TTYH2: variants seen among roughly 807,000 people sequenced by gnomAD.
TTYH2 encodes the protein protein tweety homolog 2.
A neutral mutation model predicts 68.3 loss-of-function variants in TTYH2; 49 were observed. That is an observed-to-expected ratio of 0.72 (90% CI 0.57 to 0.91). The LOEUF (loss-of-function observed/expected upper bound fraction) is 0.91, where lower values mean the gene tolerates loss of function less well. Ranked by LOEUF, TTYH2 falls within the 40% of genes least tolerant of loss-of-function variation. TTYH2 has a pLI of 0.00. For missense variants in TTYH2, 631 were observed against 700.4 expected (o/e 0.90, Z 1.12); for synonymous variants, 272 against 300.8 (o/e 0.90, Z 0.99).
rs2143705271 is a variant in TTYH2, at chr17:74,214,970, G to T, written c.129+1254G>T. ...GATGGTGCCTGCCCTACCAGAGGGA[G>T]GGGAGCATCAGGACCCCTTCCTGGG... On this transcript the variant is annotated intron_variant, in intron 1 of 13. Coordinates refer to ENST00000269346, the MANE Select transcript of TTYH2 (RefSeq NM_032646.6). This position sits in a 1 kb window ranked among gnomAD's most constrained non-coding sequence, Gnocchi z 4.6. Among the ~76,000 whole-genome samples, 1 of 152,254 alleles carries T rather than the reference G, an allele frequency of 6.6e-6. No individual in the cohort carries two copies. The highest frequency in any genetic ancestry group is 1.9e-4 in the East Asian group (1 of 5,166).
At chr17:74,244,540 C>T (rs1177803626) in intron 6 of TTYH2, among the ~76,000 whole-genome samples, 3 of 152,158 alleles carry the variant, frequency 2.0e-5, no homozygotes, top group Non-Finnish European at 1.5e-5. Flanking sequence ...TCCCAGGACT[C>T]CCGCGGTCTG....
chr17:74,249,947 C>T lies in TTYH2; in HGVS notation c.942C>T (p.Thr314=). 2 of 1,613,998 alleles carry T rather than the reference C, an allele frequency of 1.2e-6. No homozygotes were observed. The highest frequency in any genetic ancestry group is 1.1e-5 in the South Asian group (1 of 91,070). The change falls in exon 9 of 14, where the codon ACC becomes ACT. Residue 314 remains threonine, a synonymous_variant. Transcript: ENST00000269346. ...GSSPFQQTLT[T]FQRALTTMQI... ...CTTTCCTGGCTCAGACCCTGACCAC[C>T]TTCCAGCGCGCACTTACCACCATGC...
rs59096145 is a variant in TTYH2, at chr17:74,241,296, T to TGTGTGTGTGCGC, written c.636-2077_636-2076insTGTGTGTGCGCG. ...GTGTGTGTGTGTGTGTGTGTGTGTG[T>TGTGTGTGTGCGC]GCGTGTAAAAATAAGAATGTGATCC... On this transcript the variant is annotated intron_variant, in intron 4 of 13. Coordinates refer to ENST00000269346, the MANE Select transcript of TTYH2 (RefSeq NM_032646.6). This position sits in a 1 kb window ranked among gnomAD's most constrained non-coding sequence, Gnocchi z 4.1. 1.4e-4 allele frequency among the ~76,000 whole-genome samples: 20 copies of TGTGTGTGTGCGC among 146,254 alleles called. No individual in the cohort carries two copies. The highest frequency in any genetic ancestry group is 4.8e-4 in the African/African-American group (19 of 39,648).
At chr17:74,257,670 A>G (rs1198777534) in intron 13 of TTYH2, among the ~76,000 whole-genome samples, 1 of 152,172 alleles carries the variant, frequency 6.6e-6, no homozygotes, top group Non-Finnish European at 1.5e-5. Context: ...GCCTTCAAGG[A>G]ATAATCTCTC....
At position 74,261,640 on chromosome 17, in the gene TTYH2, G is replaced by T. The variant is rs59927711; in HGVS notation, c.*1431G>T. 4 of 152,666 alleles carry T rather than the reference G, an allele frequency of 2.6e-5. No individual in the cohort carries two copies. The East Asian group carries it at 5.8e-4, about 22-fold the overall frequency. 9.5% of individuals were successfully genotyped at this position (152,666 alleles called of 1,614,324 possible). A position where few individuals can be genotyped will look rare whatever the true frequency, so the allele number is the denominator to read the frequency against. On this transcript the variant is annotated 3_prime_UTR_variant, in exon 14 of 14. Coordinates refer to ENST00000269346, the MANE Select transcript of TTYH2 (RefSeq NM_032646.6). Reference sequence around the variant, plus strand: ...CGGCCTCGCACACTGAAGCAGGGGCGTGCGGTGACTCGGTGCTTCTGTTTT... The same window carrying T: ...CGGCCTCGCACACTGAAGCAGGGGCTTGCGGTGACTCGGTGCTTCTGTTTT...
intron 2 of TTYH2, among the ~76,000 whole-genome samples, chr17:74,224,049 G>A (rs1055635198): frequency 2.6e-5 from 4 of 152,224 alleles, no homozygotes; most frequent in Non-Finnish European, 4.4e-5. Context: ...TGGACAGGCC[G>A]GGAGGTCACA....
At chr17:74,220,934 A>T (rs147274158) in intron 1 of TTYH2, among the ~76,000 whole-genome samples, 4,862 of 152,218 alleles carry the variant, frequency 0.032, 229 homozygotes, top group African/African-American at 0.094. Context: ...CTACAGGCAG[A>T]TGCCACCATG....
At position 74,222,101 on chromosome 17, in the gene TTYH2, C is replaced by T. The variant is rs2143719361; in HGVS notation, c.130-384C>T. ...TTGCCTTTTTCCCTTGGCCATGGAG[C>T]TCACCACCCACAGCCCTCCCTGCTA... On this transcript the variant is annotated intron_variant, in intron 1 of 13. Transcript: ENST00000269346. This position sits in a 1 kb window ranked among gnomAD's most constrained non-coding sequence, Gnocchi z 5.2. Among the ~76,000 whole-genome samples the T allele has an allele frequency of 6.6e-6, 1 of 152,272 alleles. No homozygotes were observed. The highest frequency in any genetic ancestry group is 1.9e-4 in the East Asian group (1 of 5,176).
intron 13 of TTYH2, 143 bp from the exon 14 acceptor site, chr17:74,259,986 T>A: frequency 1.4e-6 from 1 of 719,916 alleles, no homozygotes; most frequent in Non-Finnish European, 2.5e-6. Context: ...GAGGCAGAAG[T>A]CTTGATGGAT....
At chr17:74,227,813 A>G (rs1355406868) in intron 2 of TTYH2, among the ~76,000 whole-genome samples, 1 of 148,314 alleles carries the variant, frequency 6.7e-6, no homozygotes, top group East Asian at 2.0e-4. Context: ...CAGGAACCTC[A>G]TTTTAAAAGG....
At chr17:74,231,949 G>T (rs2050393706) in intron 3 of TTYH2, among the ~76,000 whole-genome samples, 1 of 152,162 alleles carries the variant, frequency 6.6e-6, no homozygotes, top group South Asian at 2.1e-4. Flanking sequence ...CCTGGCCCAG[G>T]GAGGAGCACG....
chr17:74,220,006 T>G (rs1479137126), intron 1 of TTYH2, among the ~76,000 whole-genome samples: 3 of 150,630 alleles, frequency 2.0e-5, no homozygotes, highest in Non-Finnish European at 4.4e-5. Flanking sequence ...TTTGGGAGGT[T>G]GGGTTACTTT....
chr17:74,247,616 G>A (rs1208899692), intron 6 of TTYH2, among the ~76,000 whole-genome samples: 3 of 152,180 alleles, frequency 2.0e-5, no homozygotes, highest in Admixed American at 6.5e-5. Flanking sequence ...ACTTCTTGGG[G>A]GTGACCCAAA....
In TTYH2 at chr17:74,222,602, C is replaced by A. The variant is rs780846864; in HGVS notation, c.247C>A (p.Gln83Lys). The part of the protein sequence containing the change: ...CRRDDAVQTK[Q>K]HHSCCITWTA... ...GCGGGACGATGCGGTGCAGACCAAG[C>A]AGCACCACTCCTGCTGCATCACCTG... Residue 83 changes from glutamine (Q) to lysine (K), a missense_variant, in exon 2 of 14, where the codon CAG becomes AAG. By Grantham distance (53) the Gln-to-Lys change is moderately conservative. Coordinates refer to ENST00000269346, the MANE Select transcript of TTYH2 (RefSeq NM_032646.6). The surrounding 1 kb of genome is among the most constrained non-coding windows in gnomAD (Gnocchi z 5.2). 9.3e-6 allele frequency: 15 copies of A among 1,612,096 alleles called. No individual in the cohort carries two copies. Among genetic ancestry groups the A allele is most frequent in the Non-Finnish European group, 1.3e-5 (15 of 1,179,990 alleles).
chr17:74,244,884 T>TGTGTGTGTGTGTGTGTGTG (rs1567818120), intron 6 of TTYH2, among the ~76,000 whole-genome samples: 3 of 120,962 alleles, frequency 2.5e-5, no homozygotes, highest in African/African-American at 1.2e-4. Flanking sequence ...GTGTGTGTGT[T>TGTGTGTGTGTGTGTGTGTG]TGTGTGTGTG....
At chr17:74,219,222 A>G (rs2050251342) in intron 1 of TTYH2, among the ~76,000 whole-genome samples, 2 of 151,088 alleles carry the variant, frequency 1.3e-5, no homozygotes, top group South Asian at 4.2e-4. Context: ...TCTCAAAAAA[A>G]AAAAAAGTAC....
At chr17:74,216,194 C>T (rs1467711407) in intron 1 of TTYH2, among the ~76,000 whole-genome samples, 1 of 152,218 alleles carries the variant, frequency 6.6e-6, no homozygotes, top group African/African-American at 2.4e-5. Flanking sequence ...GGACAGTACC[C>T]TGCTGGGGAA....
rs1472314656 is a variant in TTYH2, at chr17:74,241,895, CTG to C, written c.636-1474_636-1473del. Among the ~76,000 whole-genome samples the C allele has an allele frequency of 3.3e-5, 5 of 152,224 alleles. No individual in the cohort carries two copies. The highest frequency in any genetic ancestry group is 1.2e-4 in the African/African-American group (5 of 41,462). ...GCCTTGTGAGGACCACCTTGGGGACCTGTGTGGAAGGGAAAGGAACGAGGGCA... is the reference window on the plus strand; with the variant it reads ...GCCTTGTGAGGACCACCTTGGGGACCTGTGGAAGGGAAAGGAACGAGGGCA... On this transcript the variant is annotated intron_variant, in intron 4 of 13. Coordinates refer to ENST00000269346, the MANE Select transcript of TTYH2 (RefSeq NM_032646.6). This position sits in a 1 kb window ranked among gnomAD's most constrained non-coding sequence, Gnocchi z 4.1.
Position 74,215,668 on chromosome 17 carries a change from CG to C in TTYH2, c.129+1954del. ...GGAGATGAGCGTGGTGGGCCAGGAC[CG>C]GAAGTCTGGCTCTGGGTGTTATTTA... is the stretch of plus-strand genomic sequence containing the variant. On this transcript the variant is annotated intron_variant, in intron 1 of 13. Coordinates refer to ENST00000269346, the MANE Select transcript of TTYH2 (RefSeq NM_032646.6). The surrounding 1 kb of genome is among the most constrained non-coding windows in gnomAD (Gnocchi z 4.3). 1 of 1,535,660 alleles carries C rather than the reference CG, an allele frequency of 6.5e-7. No individual in the cohort carries two copies. Among genetic ancestry groups the C allele is most frequent in the Non-Finnish European group, 8.7e-7 (1 of 1,146,902 alleles).
Sources: gnomAD v4.1 joint callset for allele counts (sites outside exome capture counted in the v4.1 genomes callset) on GRCh38, gnomAD v4.1.1 for gene constraint, Gnocchi (gnomAD v3.1) non-coding constraint, MANE v1.5 for transcripts, NCBI Gene and HGNC (gene_info 2026-07-23, HGNC 2026-07-21) for gene names.